The following CALN1 variants were observed in gnomAD, a reference collection of about 807,000 sequenced individuals.
CALN1 encodes calneuron 1.
A neutral mutation model predicts 30.6 loss-of-function variants in CALN1; 17 were observed. That is an observed-to-expected ratio of 0.56 (90% CI 0.38 to 0.83). The LOEUF is 0.83. Ranked by LOEUF, CALN1 falls within the 40% of genes least tolerant of loss-of-function variation. The pLI, the probability that CALN1 is intolerant of heterozygous loss-of-function variation, is 0.00. For synonymous variants in CALN1, 156 were observed against 131.4 expected (o/e 1.19, Z -1.28); for missense variants, 291 against 354.9 (o/e 0.82, Z 1.45).
chr7:72,465,161 G>A, the CALN1 span, among the ~76,000 whole-genome samples: 1 of 152,166 alleles, frequency 6.6e-6, no homozygotes, highest in African/African-American at 2.4e-5. Context: ...AGAGGTCAGG[G>A]TACAGGTGGA....
At chr7:71,851,815 A>T (rs1790665032) in intron 5 of CALN1, among the ~76,000 whole-genome samples, 1 of 152,050 alleles carries the variant, frequency 6.6e-6, no homozygotes, top group Non-Finnish European at 1.5e-5. Flanking sequence ...AAAGTGCACA[A>T]ACAAACAAAT....
At chr7:72,295,807 A>C (rs1305970934) in intron 2 of CALN1, among the ~76,000 whole-genome samples, 4 of 151,732 alleles carry the variant, frequency 2.6e-5, no homozygotes, top group Non-Finnish European at 5.9e-5. Context: ...TGTCGTCTGC[A>C]AAGAGGGACA....
chr7:72,352,452 A>AT (rs369188352), intron 2 of CALN1, among the ~76,000 whole-genome samples: 1 of 151,730 alleles, frequency 6.6e-6, no homozygotes, highest in Non-Finnish European at 1.5e-5. Context: ...AAAACATTCT[A>AT]TAACCATAAC....
At chr7:71,790,416 GAAAGAAA>G (rs1562780400) in intron 6 of CALN1, among the ~76,000 whole-genome samples, 29 of 145,626 alleles carry the variant, frequency 2.0e-4, no homozygotes, top group African/African-American at 7.1e-4. Flanking sequence ...AAGAAAGAAA[GAAAGAAA>G]GAAGCAAGCA....
chr7:72,288,229 C>G lies in CALN1; in HGVS notation c.120-9419G>C, dbSNP rs114556491. 4.5e-3 allele frequency among the ~76,000 whole-genome samples: 691 copies of G among 152,188 alleles called. 4 individuals carry two copies. The highest frequency in any genetic ancestry group is 0.016 in the African/African-American group (666 of 41,526). On this transcript the variant is annotated intron_variant, in intron 2 of 6. Transcript: ENST00000395275. ...GCTTTGTTCACGTGAGTTGGGAGCA[C>G]TCACATGGCTCCCAACATGATGCCA...
chr7:71,916,664 C>A (rs1794702459), intron 5 of CALN1, among the ~76,000 whole-genome samples: 1 of 151,938 alleles, frequency 6.6e-6, no homozygotes, highest in African/African-American at 2.4e-5. Flanking sequence ...CACTGGGCAC[C>A]TGTGCTGGGG....
At chr7:72,254,870 A>C (rs1795808299) in intron 3 of CALN1, among the ~76,000 whole-genome samples, 1 of 150,780 alleles carries the variant, frequency 6.6e-6, no homozygotes, top group African/African-American at 2.4e-5. Context: ...AGGTTCAAGC[A>C]ATTCTCCTGC....
intron 3 of CALN1, among the ~76,000 whole-genome samples, chr7:72,224,871 G>A (rs913772980): frequency 1.4e-4 from 21 of 151,820 alleles, no homozygotes; most frequent in African/African-American, 7.3e-5. Context: ...GGTGAATCAC[G>A]AGGTCAGGAG....
intron 5 of CALN1, among the ~76,000 whole-genome samples, chr7:71,931,963 T>C (rs1441746687): frequency 6.6e-6 from 1 of 152,170 alleles, no homozygotes; most frequent in African/African-American, 2.4e-5. Flanking sequence ...GCAGTTGGCA[T>C]GCAGTTTGCC....
intron 4 of CALN1, among the ~76,000 whole-genome samples, chr7:72,057,611 A>G (rs1018360937): frequency 5.9e-5 from 9 of 152,128 alleles, no homozygotes; most frequent in Non-Finnish European, 1.2e-4. Flanking sequence ...CTAAGCAAAT[A>G]AACAAAATAA....
At chr7:71,818,366 A>T (rs1279724253) in intron 5 of CALN1, among the ~76,000 whole-genome samples, 1 of 152,090 alleles carries the variant, frequency 6.6e-6, no homozygotes, top group Non-Finnish European at 1.5e-5. Flanking sequence ...GAGTTGCAAA[A>T]GCTTGACATG....
At chr7:71,850,563 C>T (rs1469532877) in intron 5 of CALN1, among the ~76,000 whole-genome samples, 3 of 152,024 alleles carry the variant, frequency 2.0e-5, no homozygotes, top group African/African-American at 4.8e-5. Flanking sequence ...TAAATGACTA[C>T]GATATTATTT....
chr7:72,259,764 C>G (rs1170602266), intron 3 of CALN1, among the ~76,000 whole-genome samples: 1 of 152,200 alleles, frequency 6.6e-6, no homozygotes, highest in Non-Finnish European at 1.5e-5. Context: ...TTCTCCCCAA[C>G]TCATTGCTCC....
chr7:72,458,302 T>A, the CALN1 span, among the ~76,000 whole-genome samples: 1 of 31,520 alleles, frequency 3.2e-5, no homozygotes, highest in African/African-American at 1.8e-4. Flanking sequence ...ATATTCTATA[T>A]TATATAATAT....
intron 4 of CALN1, among the ~76,000 whole-genome samples, chr7:72,082,361 CACT>C (rs897417782): frequency 6.6e-6 from 1 of 152,162 alleles, no homozygotes; most frequent in Non-Finnish European, 1.5e-5. Flanking sequence ...CTGTACCCAC[CACT>C]ACTTTAGTCC....
chr7:72,153,577 G>A (rs1282034020), intron 3 of CALN1, among the ~76,000 whole-genome samples: 1 of 151,870 alleles, frequency 6.6e-6, no homozygotes, highest in Non-Finnish European at 1.5e-5. Context: ...CCAGCTACTC[G>A]GGAGGCTGAA....
intron 5 of CALN1, among the ~76,000 whole-genome samples, chr7:71,902,185 C>A (rs1793887672): frequency 6.6e-6 from 1 of 151,924 alleles, no homozygotes; most frequent in Admixed American, 6.6e-5. Context: ...GATGGAGCCA[C>A]TGCACTCCAG....
At chr7:72,362,800 C>T (rs1032391841) in intron 2 of CALN1, among the ~76,000 whole-genome samples, 2 of 152,152 alleles carry the variant, frequency 1.3e-5, no homozygotes, top group African/African-American at 4.8e-5. Context: ...TTGATCCCAG[C>T]CCAGCCATCA....
chr7:72,127,035 G>C (rs1808815533), intron 3 of CALN1, among the ~76,000 whole-genome samples: 1 of 151,846 alleles, frequency 6.6e-6, no homozygotes, highest in Non-Finnish European at 1.5e-5. Context: ...GCCTCCAAGG[G>C]TAAAAACCCA....
Sources: allele counts gnomAD v4.1 joint callset (sites outside exome capture counted in the v4.1 genomes callset), GRCh38; gene constraint gnomAD v4.1.1; transcripts MANE v1.5; gene names NCBI Gene and HGNC (gene_info 2026-07-23, HGNC 2026-07-21).